TDRD7: variants seen among roughly 807,000 people sequenced by gnomAD.
The protein encoded by TDRD7 is tudor domain-containing protein 7.
Under a neutral mutation model 109.8 loss-of-function variants are expected in TDRD7, and 47 were observed. That is an observed-to-expected ratio of 0.43 (90% CI 0.34 to 0.55). TDRD7 has a LOEUF of 0.55. TDRD7 is among the 20% of genes least tolerant of loss of function. TDRD7 has a pLI of 0.03. For missense variants in TDRD7, 1,164 were observed against 1,319.2 expected, an observed-to-expected ratio of 0.88 and a Z score of 1.82; for synonymous variants, 424 against 457.3, an observed-to-expected ratio of 0.93 and a Z score of 0.93.
At chr9:97,418,263 AGGGTG>A (rs1257793281) in intron 1 of TDRD7, among the ~76,000 whole-genome samples, 2 of 152,220 alleles carry the variant, frequency 1.3e-5, no homozygotes, top group African/African-American at 4.8e-5. Flanking sequence ...GAGGTTGGAT[AGGGTG>A]GGAAAAGTGA....
At chr9:97,472,255 C>T in intron 9 of TDRD7, 38 bp from the exon 10 acceptor site, 1 of 1,563,272 alleles carries the variant, frequency 6.4e-7, no homozygotes, top group African/African-American at 1.4e-5. Flanking sequence ...AATGATTTTT[C>T]TAATTAAGTA....
chr9:97,428,168 G>C (rs1043912672), intron 1 of TDRD7, among the ~76,000 whole-genome samples: 1 of 152,030 alleles, frequency 6.6e-6, no homozygotes, highest in African/African-American at 2.4e-5. Context: ...CTTCCTCCTT[G>C]TTAGGTGATT....
intron 16 of TDRD7, among the ~76,000 whole-genome samples, chr9:97,489,336 C>T (rs1829263185): frequency 6.6e-6 from 1 of 152,152 alleles, no homozygotes; most frequent in South Asian, 2.1e-4. Context: ...TTATTAGATG[C>T]ATGTACATTA....
intron 16 of TDRD7, among the ~76,000 whole-genome samples, chr9:97,489,356 A>G (rs1829263661): frequency 6.6e-6 from 1 of 152,122 alleles, no homozygotes; most frequent in Non-Finnish European, 1.5e-5. Context: ...AAGGATTAGT[A>G]TGTCGTCTTG....
chr9:97,427,322 A>G (rs373849121), intron 1 of TDRD7, among the ~76,000 whole-genome samples: 3 of 151,994 alleles, frequency 2.0e-5, no homozygotes, highest in Non-Finnish European at 4.4e-5. Flanking sequence ...CCTTTTATTC[A>G]TATGGCATTA....
intron 16 of TDRD7, among the ~76,000 whole-genome samples, chr9:97,493,008 T>C (rs531902056): frequency 6.6e-6 from 1 of 152,296 alleles, no homozygotes; most frequent in East Asian, 1.9e-4. Flanking sequence ...GCCAAGCCCT[T>C]TGACATATTT....
intron 2 of TDRD7, among the ~76,000 whole-genome samples, chr9:97,430,302 C>T (rs1415007484): frequency 2.0e-5 from 3 of 152,180 alleles, no homozygotes; most frequent in Non-Finnish European, 4.4e-5. Context: ...CATGCCCCTG[C>T]CAGTAGCAGC....
intron 16 of TDRD7, 44 bp downstream of exon 16, chr9:97,487,376 T>C: frequency 1.2e-6 from 2 of 1,613,220 alleles, no homozygotes; most frequent in Non-Finnish European, 1.7e-6. Flanking sequence ...CAATGCAATA[T>C]TGTCATTTTA....
Position 97,460,369 on chromosome 9 carries a change from G to A in TDRD7, c.1047G>A (p.Leu349=), listed in dbSNP as rs1312608665. Residue 349 remains leucine (L), a synonymous_variant, in exon 7 of 17, where the codon CTG becomes CTA. Coordinates refer to ENST00000355295, the MANE Select transcript of TDRD7 (RefSeq NM_014290.3). The part of the protein sequence containing the change: ...GDFKEKVADL[L]VKYTSGLWAS... ...TTAAAGAAAAAGTGGCAGACCTGCT[G>A]GTGAAATACACAAGTGGCCTTTGGG... 2 of 1,614,166 alleles carry A rather than the reference G, an allele frequency of 1.2e-6. No individual in the cohort carries two copies. Among genetic ancestry groups the A allele is most frequent in the Non-Finnish European group, 1.7e-6 (2 of 1,180,028 alleles).
chr9:97,432,640 G>A (rs980249344), intron 4 of TDRD7, among the ~76,000 whole-genome samples: 21 of 152,158 alleles, frequency 1.4e-4, no homozygotes, highest in Non-Finnish European at 7.4e-5. Context: ...AGACATCCAT[G>A]CATCAGAATA....
chr9:97,430,166 T>A (rs956787123), intron 2 of TDRD7, among the ~76,000 whole-genome samples: 1 of 152,186 alleles, frequency 6.6e-6, no homozygotes, highest in Non-Finnish European at 1.5e-5. Context: ...GTCCCAGTAG[T>A]CTCTATCTTC....
At chr9:97,480,774 T>A in intron 13 of TDRD7, 54 bp from the exon 14 acceptor site, 1 of 1,366,848 alleles carries the variant, frequency 7.3e-7, no homozygotes, top group Non-Finnish European at 1.0e-6. Context: ...ACATTACTCA[T>A]AACTAGGTAT....
chr9:97,484,492 A>T (rs35625242), intron 15 of TDRD7, among the ~76,000 whole-genome samples: 1 of 150,062 alleles, frequency 6.7e-6, no homozygotes, highest in Admixed American at 6.6e-5. Context: ...ACACACACAC[A>T]CCCCAAAACT....
At chr9:97,490,549 T>G (rs372633708) in intron 16 of TDRD7, among the ~76,000 whole-genome samples, 80 of 109,882 alleles carry the variant, frequency 7.3e-4, no homozygotes, top group South Asian at 1.4e-3. Context: ...TATATTTTGG[T>G]GGGGGGGGGG....
intron 1 of TDRD7, among the ~76,000 whole-genome samples, chr9:97,422,608 A>G (rs1827918199): frequency 6.6e-6 from 1 of 152,232 alleles, no homozygotes; most frequent in Non-Finnish European, 1.5e-5. Flanking sequence ...CCCTGTTCCC[A>G]GTCTTAGGGA....
At chr9:97,456,355 C>T (rs779836922) in intron 6 of TDRD7, among the ~76,000 whole-genome samples, 4 of 152,148 alleles carry the variant, frequency 2.6e-5, no homozygotes, top group Non-Finnish European at 5.9e-5. Flanking sequence ...AAAGAAGACC[C>T]CTTATAGCCA....
At chr9:97,455,092 C>A (rs1414287069) in intron 6 of TDRD7, among the ~76,000 whole-genome samples, 2 of 152,066 alleles carry the variant, frequency 1.3e-5, no homozygotes, top group East Asian at 1.9e-4. Flanking sequence ...TGAATAAATT[C>A]CTGGATGCAT....
Position 97,488,574 on chromosome 9 carries a change from T to G in TDRD7, c.3076+1242T>G, listed in dbSNP as rs534542495. ...CAGATTTAATGGTTTTTTTTTTTTT[T>G]TTTTTGTTTTCACTTTCTAATGCTC... On this transcript the variant is annotated intron_variant, in intron 16 of 16. Coordinates refer to ENST00000355295, the MANE Select transcript of TDRD7 (RefSeq NM_014290.3). Among the ~76,000 whole-genome samples the G allele has an allele frequency of 6.4e-3, 964 of 151,778 alleles. 4 individuals carry two copies. The highest frequency in any genetic ancestry group is 0.016 in the South Asian group (75 of 4,786).
In TDRD7 at chr9:97,483,150, T is replaced by C. The variant is rs1829151280; in HGVS notation, c.2714T>C (p.Val905Ala). 6.2e-7 allele frequency: 1 copy of C among 1,614,158 alleles called. No homozygotes were observed. Among genetic ancestry groups the C allele is most frequent in the Non-Finnish European group, 8.5e-7 (1 of 1,180,032 alleles). ...AFSTEELPPP[V>A]HLSKPGEHMD... The stretch of plus-strand genomic sequence containing the variant: ...TCCACAGAGGAACTGCCACCTCCTG[T>C]CCACTTATCAAAGCCAGGGGAACAC... The change falls in exon 15 of 17, where the codon GTC (valine) becomes GCC (alanine). Residue 905 changes from valine to alanine, a missense_variant. Val to Ala is a moderately conservative substitution (Grantham distance 64, BLOSUM62 0). This residue lies in a region of TDRD7 where 233 missense variants were observed against 218.0 expected (regional missense o/e 1.07). Transcript: ENST00000355295.
Sources: allele counts gnomAD v4.1 joint callset (sites outside exome capture counted in the v4.1 genomes callset), GRCh38; gene constraint gnomAD v4.1.1; regional missense constraint gnomAD v4.1.1; transcripts MANE v1.5; gene names NCBI Gene and HGNC (gene_info 2026-07-23, HGNC 2026-07-21).